The following TTPA variants were observed in gnomAD, a reference collection of about 807,000 sequenced individuals.
TTPA encodes the protein alpha tocopherol transfer protein.
TTPA carries 23 observed loss-of-function variants against 25.9 expected under a neutral mutation model. The observed-to-expected ratio is 0.89, with a 90% CI of 0.64 to 1.26. The LOEUF (loss-of-function observed/expected upper bound fraction) is 1.26. TTPA is among the 50% of genes most tolerant of loss of function. The pLI is 0.00. For missense variants in TTPA, 337 were observed against 353.1 expected, an observed-to-expected ratio of 0.95 and a Z score of 0.37; for synonymous variants, 148 against 137.3, an observed-to-expected ratio of 1.08 and a Z score of -0.54.
At chr8:63,063,293 A>T (rs1302451123) in intron 4 of TTPA, among the ~76,000 whole-genome samples, 1 of 152,168 alleles carries the variant, frequency 6.6e-6, no homozygotes, top group Non-Finnish European at 1.5e-5. Context: ...TTGAGAACGC[A>T]GACTCTATTT....
chr8:63,083,012 A>G (rs1168158925), intron 1 of TTPA, among the ~76,000 whole-genome samples: 1 of 152,228 alleles, frequency 6.6e-6, no homozygotes, highest in Non-Finnish European at 1.5e-5. Flanking sequence ...GATGTGGAGA[A>G]ATAAGAATGC....
intron 4 of TTPA, among the ~76,000 whole-genome samples, chr8:63,062,540 T>G (rs562027934): frequency 1.3e-5 from 2 of 152,248 alleles, no homozygotes; most frequent in East Asian, 3.9e-4. Flanking sequence ...TAAAATATTA[T>G]CAGGTAATTG....
intron 1 of TTPA, among the ~76,000 whole-genome samples, chr8:63,075,582 G>A (rs971249464): frequency 2.6e-5 from 4 of 151,814 alleles, no homozygotes; most frequent in South Asian, 4.2e-4. Context: ...GGGTGTGGTG[G>A]TGCGTGCTCA....
At chr8:63,062,651 T>C (rs1805326839) in intron 4 of TTPA, among the ~76,000 whole-genome samples, 1 of 152,186 alleles carries the variant, frequency 6.6e-6, no homozygotes. Context: ...AGAGTTTTTT[T>C]CTCCCTATTT....
At chr8:63,064,779 A>G (rs777580075) in intron 3 of TTPA, among the ~76,000 whole-genome samples, 1 of 152,196 alleles carries the variant, frequency 6.6e-6, no homozygotes, top group Non-Finnish European at 1.5e-5. Context: ...CTTATTTAGA[A>G]AGTTTAAGAA....
intron 4 of TTPA, among the ~76,000 whole-genome samples, chr8:63,062,847 G>C (rs150430576): frequency 6.6e-6 from 1 of 152,284 alleles, no homozygotes; most frequent in Non-Finnish European, 1.5e-5. Flanking sequence ...GAATTAAACA[G>C]AGGGAAGCCA....
intron 3 of TTPA, 129 bp downstream of exon 3, chr8:63,065,775 A>C: frequency 9.6e-7 from 1 of 1,036,970 alleles, no homozygotes; most frequent in Non-Finnish European, 1.4e-6. Flanking sequence ...GTTGAATTCT[A>C]CACATCATTT....
rs1056080585 is a variant in TTPA, at chr8:63,071,499, G to C, written c.358+1436C>G. Among the ~76,000 whole-genome samples the C allele has an allele frequency of 3.0e-4, 45 of 152,296 alleles. 1 individual carries two copies. Among genetic ancestry groups the C allele is most frequent in the African/African-American group, 1.1e-3 (44 of 41,554 alleles). On this transcript the variant is annotated intron_variant, in intron 2 of 4. Transcript: ENST00000260116. ...TGGGCCATGAGAAATTCTGGGAATA[G>C]TGTGAGTCGTTCTCCTGTGCCGGCC...
At chr8:63,074,833 T>A (rs1224988936) in intron 1 of TTPA, among the ~76,000 whole-genome samples, 2 of 152,164 alleles carry the variant, frequency 1.3e-5, no homozygotes, top group Non-Finnish European at 2.9e-5. Flanking sequence ...TTAGAAGGGA[T>A]CATTTAGGTT....
intron 1 of TTPA, among the ~76,000 whole-genome samples, chr8:63,078,313 A>C (rs1261603361): frequency 1.3e-5 from 2 of 152,220 alleles, no homozygotes; most frequent in Non-Finnish European, 2.9e-5. Context: ...CCAGCAATAG[A>C]ACAAAGCTGG....
At chr8:63,070,551 T>C (rs1400764382) in intron 2 of TTPA, among the ~76,000 whole-genome samples, 1 of 152,228 alleles carries the variant, frequency 6.6e-6, no homozygotes, top group Non-Finnish European at 1.5e-5. Flanking sequence ...ATTTGCAACA[T>C]ACCTTCCTGT....
At chr8:63,074,112 CAGAGA>C (rs1344785299) in intron 1 of TTPA, among the ~76,000 whole-genome samples, 3 of 152,078 alleles carry the variant, frequency 2.0e-5, no homozygotes, top group Non-Finnish European at 2.9e-5. Context: ...GACTGCAGTG[CAGAGA>C]AAATGACAGA....
chr8:63,080,737 A>AAAAT (rs1805650870), intron 1 of TTPA, among the ~76,000 whole-genome samples: 6 of 132,782 alleles, frequency 4.5e-5, no homozygotes, highest in African/African-American at 1.6e-4. Flanking sequence ...AAAAAAAAAT[A>AAAAT]AATAATAATA....
intron 1 of TTPA, among the ~76,000 whole-genome samples, chr8:63,077,990 G>A (rs563524915): frequency 2.6e-5 from 4 of 152,280 alleles, no homozygotes; most frequent in South Asian, 4.1e-4. Flanking sequence ...AATATTTGCC[G>A]TTCTGCAATA....
intron 1 of TTPA, among the ~76,000 whole-genome samples, chr8:63,080,507 G>A (rs1185038731): frequency 5.9e-5 from 9 of 151,986 alleles, no homozygotes; most frequent in South Asian, 2.1e-4. Context: ...GGATCACGAC[G>A]TCGGGAGATC....
intron 2 of TTPA, among the ~76,000 whole-genome samples, chr8:63,066,651 A>G (rs1295828145): frequency 6.6e-6 from 1 of 152,148 alleles, no homozygotes; most frequent in African/African-American, 2.4e-5. Flanking sequence ...CACCAAAGAG[A>G]AACAGGGAGT....
At chr8:63,071,481 T>C (rs1296100282) in intron 2 of TTPA, among the ~76,000 whole-genome samples, 1 of 152,102 alleles carries the variant, frequency 6.6e-6, no homozygotes, top group East Asian at 1.9e-4. Context: ...AACTGGGCCA[T>C]GAGAAATTCT....
intron 2 of TTPA, among the ~76,000 whole-genome samples, chr8:63,071,056 C>T (rs568525004): frequency 7.4e-4 from 113 of 152,154 alleles, no homozygotes; most frequent in African/African-American, 2.6e-3. Context: ...AACATAGGTA[C>T]TTTGTTAAAT....
In TTPA at chr8:63,086,015, C is replaced by T. The variant is rs13257608; in HGVS notation, c.7G>A (p.Glu3Lys). Residue 3 changes from glutamate to lysine, a missense_variant, in exon 1 of 5, where the codon GAG becomes AAG. Physicochemically the swap from Glu to Lys is moderately conservative, Grantham distance 56. Coordinates refer to ENST00000260116, the MANE Select transcript of TTPA (RefSeq NM_000370.3). Reference protein sequence around the residue: MAEARSQPSAGPQ... With the variant: MAKARSQPSAGPQ... ...CCCGCCGAGGGCTGGGATCGCGCCT[C>T]TGCCATGCCCGCCGCCGCTGCTGCG... 8 of 1,432,630 alleles carry T rather than the reference C, an allele frequency of 5.6e-6. No individual in the cohort carries two copies. In the East Asian group the frequency reaches 2.4e-4, roughly 44 times the overall value. 88.7% of individuals were successfully genotyped at this position (1,432,630 alleles called of 1,614,324 possible).
Sources: gnomAD v4.1 joint callset for allele counts (sites outside exome capture counted in the v4.1 genomes callset) on GRCh38, gnomAD v4.1.1 for gene constraint, MANE v1.5 for transcripts, NCBI Gene and HGNC (gene_info 2026-07-23, HGNC 2026-07-21) for gene names.